The following CTNNBL1 variants were observed in gnomAD, a reference collection of about 807,000 sequenced individuals.
CTNNBL1 encodes catenin beta like 1, also known as beta-catenin-like protein 1.
Under a neutral mutation model 72.7 loss-of-function variants are expected in CTNNBL1, and 31 were observed. The ratio of observed to expected loss-of-function variants is 0.43; its 90% CI spans 0.32 to 0.58. The LOEUF is 0.58. Among genes scored for constraint, CTNNBL1 ranks in the 20% least tolerant of loss-of-function variants. CTNNBL1 has a pLI of 0.08. For missense variants in CTNNBL1, 534 were observed against 725.1 expected (o/e 0.74, Z 3.03); for synonymous variants, 240 against 267.3 (o/e 0.90, Z 1.00).
chr20:37,864,972 C>G (rs2072525360), intron 15 of CTNNBL1, among the ~76,000 whole-genome samples: 1 of 152,158 alleles, frequency 6.6e-6, no homozygotes, highest in Non-Finnish European at 1.5e-5. Context: ...AACAAGGAAA[C>G]TGAGACTCAC....
intron 11 of CTNNBL1, among the ~76,000 whole-genome samples, chr20:37,815,553 G>C (rs1465944877): frequency 6.6e-6 from 1 of 151,954 alleles, no homozygotes. Context: ...CCTGACTTCA[G>C]GTGATCTGCC....
intron 5 of CTNNBL1, among the ~76,000 whole-genome samples, chr20:37,763,706 T>A (rs1304073399): frequency 6.6e-6 from 1 of 152,066 alleles, no homozygotes; most frequent in Non-Finnish European, 1.5e-5. Context: ...CTCCCTCCAT[T>A]CTCTCCCGTC....
intron 7 of CTNNBL1, 118 bp downstream of exon 7, chr20:37,768,162 T>C: frequency 1.4e-6 from 1 of 737,568 alleles, no homozygotes; most frequent in South Asian, 2.0e-5. Context: ...GGGAAGCTTC[T>C]GGTACCTCTT....
chr20:37,715,906 G>A (rs962565338), intron 1 of CTNNBL1, among the ~76,000 whole-genome samples: 6 of 152,114 alleles, frequency 3.9e-5, no homozygotes, highest in African/African-American at 1.2e-4. Context: ...CACCCACAGA[G>A]GAAACTTGCT....
intron 10 of CTNNBL1, among the ~76,000 whole-genome samples, chr20:37,793,506 G>C (rs1458515255): frequency 6.6e-6 from 1 of 152,108 alleles, no homozygotes; most frequent in Non-Finnish European, 1.5e-5. Context: ...ACTAAACTGT[G>C]ACCCTCTCCC....
chr20:37,840,171 A>T lies in CTNNBL1; in HGVS notation c.1283A>T (p.Asn428Ile). Residue 428 changes from asparagine (N) to isoleucine (I), a missense_variant, in exon 12 of 16, where the codon AAT (asparagine) becomes ATT (isoleucine). By Grantham distance (149) the Asn-to-Ile change is moderately radical. Coordinates refer to ENST00000361383, the MANE Select transcript of CTNNBL1 (RefSeq NM_030877.5). ...LRGQQRTRLL[N>I]KFTENDSEKV... is the part of the protein sequence containing the mutation. ...GGGCAGCAGCGGACCCGGCTTCTGAATAAATTCACTGAAAATGACAGTGAG... is the reference window on the plus strand; with the variant it reads ...GGGCAGCAGCGGACCCGGCTTCTGATTAAATTCACTGAAAATGACAGTGAG... 3 of 1,613,658 alleles carry T rather than the reference A, an allele frequency of 1.9e-6. No individual in the cohort carries two copies. The highest frequency in any genetic ancestry group is 2.5e-6 in the Non-Finnish European group (3 of 1,179,716).
chr20:37,777,155 G>T, intron 7 of CTNNBL1, 190 bp from the exon 8 acceptor site: 1 of 544,390 alleles, frequency 1.8e-6, no homozygotes. Flanking sequence ...GAGAGCCATT[G>T]TTTCAATCTG....
chr20:37,747,289 C>T (rs1212793241), intron 4 of CTNNBL1, among the ~76,000 whole-genome samples: 4 of 147,384 alleles, frequency 2.7e-5, no homozygotes, highest in African/African-American at 1.0e-4. Context: ...GCAGGAAAAG[C>T]TCTTGAACCT....
intron 5 of CTNNBL1, among the ~76,000 whole-genome samples, chr20:37,762,042 G>A (rs1022405910): frequency 2.6e-5 from 4 of 152,178 alleles, no homozygotes; most frequent in African/African-American, 7.2e-5. Context: ...GAAGTAATTA[G>A]AAGATATAAG....
At chr20:37,815,675 G>A (rs905780163) in intron 11 of CTNNBL1, among the ~76,000 whole-genome samples, 5 of 152,186 alleles carry the variant, frequency 3.3e-5, no homozygotes, top group Non-Finnish European at 7.3e-5. Flanking sequence ...GTAAGACAGT[G>A]AGTTGTAGAC....
At chr20:37,808,578 T>A (rs141223441) in intron 11 of CTNNBL1, among the ~76,000 whole-genome samples, 1 of 152,314 alleles carries the variant, frequency 6.6e-6, no homozygotes, top group East Asian at 1.9e-4. Context: ...CTTCCTAGTA[T>A]TCCATCTCCA....
intron 15 of CTNNBL1, among the ~76,000 whole-genome samples, chr20:37,868,652 G>A (rs955879174): frequency 1.3e-5 from 2 of 152,158 alleles, no homozygotes; most frequent in East Asian, 1.9e-4. Flanking sequence ...GGAGACTTGC[G>A]CATAGGATGG....
At position 37,786,997 on chromosome 20, in the gene CTNNBL1, C is replaced by A. The variant is rs940161932; in HGVS notation, c.1031+7662C>A. Among the ~76,000 whole-genome samples the A allele has an allele frequency of 6.7e-4, 102 of 152,016 alleles. 1 individual carries two copies. Among genetic ancestry groups the A allele is most frequent in the Non-Finnish European group, 2.2e-4 (15 of 68,010 alleles). On this transcript the variant is annotated intron_variant, in intron 10 of 15. Transcript: ENST00000361383. ...AGGGTATAAAGTACTATAATTATAA[C>A]ATAAATCAACTTTGTAAACATATTC... is the stretch of plus-strand genomic sequence containing the variant.
chr20:37,701,980 G>GA (rs2072848933), intron 1 of CTNNBL1, among the ~76,000 whole-genome samples: 1 of 152,224 alleles, frequency 6.6e-6, no homozygotes, highest in Non-Finnish European at 1.5e-5. Flanking sequence ...TACGCACGTG[G>GA]AATGAATCAT....
chr20:37,845,863 T>C (rs956969591), intron 13 of CTNNBL1, among the ~76,000 whole-genome samples: 1 of 152,198 alleles, frequency 6.6e-6, no homozygotes, highest in Admixed American at 6.5e-5. Flanking sequence ...CCTCACCAAG[T>C]CTGCAACCAA....
intron 3 of CTNNBL1, among the ~76,000 whole-genome samples, chr20:37,739,078 CTGTGTGTGTGTGTGTGTGTG>C (rs34184566): frequency 6.8e-6 from 1 of 147,344 alleles, no homozygotes; most frequent in African/African-American, 2.5e-5. Flanking sequence ...TACAGGAGCA[CTGTGTGTGTGTGTGTGTGTG>C]TGTGTGTGTG....
chr20:37,743,139 C>T (rs1406887192), intron 3 of CTNNBL1, among the ~76,000 whole-genome samples: 3 of 151,054 alleles, frequency 2.0e-5, no homozygotes, highest in African/African-American at 7.4e-5. Context: ...ATACTGCACT[C>T]AGCACAATTT....
intron 11 of CTNNBL1, among the ~76,000 whole-genome samples, chr20:37,805,040 C>T (rs2071941861): frequency 6.6e-6 from 1 of 152,256 alleles, no homozygotes; most frequent in South Asian, 2.1e-4. Context: ...CCACTCCTGC[C>T]ACCCCTGCCA....
chr20:37,792,516 A>C (rs1011866547), intron 10 of CTNNBL1, among the ~76,000 whole-genome samples: 1 of 152,170 alleles, frequency 6.6e-6, no homozygotes, highest in Non-Finnish European at 1.5e-5. Context: ...CTCAGTGTTT[A>C]ATTTGCTATT....
Sources: gnomAD v4.1 joint callset for allele counts (sites outside exome capture counted in the v4.1 genomes callset) on GRCh38, gnomAD v4.1.1 for gene constraint, MANE v1.5 for transcripts, NCBI Gene and HGNC (gene_info 2026-07-23, HGNC 2026-07-21) for gene names.